Variants in EEF2K observed in about 807,000 individuals in gnomAD.
EEF2K encodes the protein alternative protein EEF2K.
In EEF2K, 70 loss-of-function variants were observed where a neutral mutation model predicts 93.8. That is an observed-to-expected ratio of 0.75 (90% CI 0.62 to 0.91). The LOEUF (loss-of-function observed/expected upper bound fraction) is 0.91, where lower values mean the gene tolerates loss of function less well. Among genes scored for constraint, EEF2K ranks in the 40% least tolerant of loss-of-function variants. The pLI, the probability that EEF2K is intolerant of heterozygous loss-of-function variation, is 0.00. For synonymous variants in EEF2K, 376 were observed against 380.8 expected (o/e 0.99, Z 0.15); for missense variants, 935 against 972.9 (o/e 0.96, Z 0.52).
chr16:22,236,339 CTTT>C (rs11353273), intron 2 of EEF2K, among the ~76,000 whole-genome samples: 11 of 137,112 alleles, frequency 8.0e-5, no homozygotes, highest in East Asian at 2.1e-4. Context: ...AGTTGTATTT[CTTT>C]TTTTTTTTTT....
chr16:22,250,822 G>A (rs2047342403), intron 5 of EEF2K, 131 bp downstream of exon 5: 2 of 1,189,592 alleles, frequency 1.7e-6, no homozygotes, highest in African/African-American at 1.5e-5. Context: ...CCAGGTTCCT[G>A]TCCATCTAGT....
chr16:22,258,400 G>C (rs1598193476), intron 9 of EEF2K, 94 bp from the exon 10 acceptor site: 1 of 1,298,626 alleles, frequency 7.7e-7, no homozygotes, highest in Admixed American at 2.1e-5. Context: ...AGCTGTGGAT[G>C]AAGGGGTTTC....
At chr16:22,282,474 C>T (rs963144374) in intron 17 of EEF2K, among the ~76,000 whole-genome samples, 2 of 152,200 alleles carry the variant, frequency 1.3e-5, no homozygotes, top group African/African-American at 4.8e-5. Context: ...ATGAACGTCC[C>T]CTCCAAGTCT....
At chr16:22,271,931 T>C (rs2047586209) in intron 15 of EEF2K, among the ~76,000 whole-genome samples, 1 of 152,212 alleles carries the variant, frequency 6.6e-6, no homozygotes, top group Non-Finnish European at 1.5e-5. Flanking sequence ...TTCATTTGCC[T>C]CTGATGTGAG....
intron 6 of EEF2K, among the ~76,000 whole-genome samples, chr16:22,253,432 C>T (rs909095034): frequency 3.3e-5 from 5 of 152,160 alleles, no homozygotes; most frequent in African/African-American, 1.2e-4. Context: ...CTGCAATTTG[C>T]GGCCTTCCAG....
intron 12 of EEF2K, among the ~76,000 whole-genome samples, chr16:22,264,052 G>A (rs2047492432): frequency 6.6e-6 from 1 of 152,116 alleles, no homozygotes; most frequent in African/African-American, 2.4e-5. Flanking sequence ...CCAGCACTTT[G>A]GGAGGCCGGG....
chr16:22,225,116 C>T (rs756280789), intron 1 of EEF2K, among the ~76,000 whole-genome samples: 1 of 151,908 alleles, frequency 6.6e-6, no homozygotes, highest in African/African-American at 2.4e-5. Context: ...GAGAAAGAAC[C>T]CACTGTTAGA....
intron 7 of EEF2K, among the ~76,000 whole-genome samples, 154 bp downstream of exon 7, chr16:22,257,051 A>G (rs1049464130): frequency 2.0e-5 from 3 of 152,160 alleles, no homozygotes; most frequent in African/African-American, 7.2e-5. Flanking sequence ...CCGTCACCCC[A>G]TGACAGCTTC....
Position 22,257,741 on chromosome 16 carries a change from G to A in EEF2K, c.1000G>A (p.Asp334Asn). Residue 334 changes from aspartate to asparagine, a missense_variant, in exon 9 of 18, where the codon GAT (aspartate) becomes AAT (asparagine). Transcript: ENST00000263026. Reference protein sequence around the residue: ...APFDLSPRERDAVNQNTKLLQ... With the variant: ...APFDLSPRERNAVNQNTKLLQ... ...CTTTGACCTCTCGCCCCGGGAGAGG[G>A]ATGCAGTGAATCAGAACACCAAGCT... 1 of 1,613,954 alleles carries A rather than the reference G, an allele frequency of 6.2e-7. No individual in the cohort carries two copies. Among genetic ancestry groups the A allele is most frequent in the Non-Finnish European group, 8.5e-7 (1 of 1,180,034 alleles).
At chr16:22,239,231 T>G (rs112547988) in intron 2 of EEF2K, among the ~76,000 whole-genome samples, 2 of 152,312 alleles carry the variant, frequency 1.3e-5, no homozygotes, top group African/African-American at 4.8e-5. Context: ...TCCTCCCTGT[T>G]TTGTGGTTGG....
chr16:22,262,671 C>T (rs906984189), intron 11 of EEF2K, among the ~76,000 whole-genome samples: 4 of 151,936 alleles, frequency 2.6e-5, no homozygotes, highest in Non-Finnish European at 5.9e-5. Flanking sequence ...TCCTGTGATC[C>T]ACACTCTCAG....
intron 12 of EEF2K, 42 bp downstream of exon 12, chr16:22,263,229 C>T: frequency 6.4e-7 from 1 of 1,562,584 alleles, no homozygotes; most frequent in Admixed American, 2.0e-5. Flanking sequence ...CACCTGTTGC[C>T]TTGTTTATCC....
intron 3 of EEF2K, among the ~76,000 whole-genome samples, chr16:22,245,243 G>A (rs568980663): frequency 6.6e-6 from 1 of 152,236 alleles, no homozygotes; most frequent in Admixed American, 6.5e-5. Context: ...ACTCCAACCT[G>A]GGCGTCAGAG....
rs1478462432 is a variant in EEF2K at position 22,286,203 on chromosome 16, A to T, written c.*2207A>T. On this transcript the variant is annotated 3_prime_UTR_variant, in exon 18 of 18. Transcript: ENST00000263026. ...AGTTGGAACTGATCACCCTTTTGTC[A>T]TCTGTACCAGATCAGTAGTTGGCTT... is the stretch of plus-strand genomic sequence containing the variant. The T allele has an allele frequency of 6.6e-6, 1 of 152,170 alleles. No individual in the cohort carries two copies. The highest frequency in any genetic ancestry group is 2.4e-5 in the African/African-American group (1 of 41,450). 9.4% of individuals were successfully genotyped at this position (152,170 alleles called of 1,614,324 possible).
At chr16:22,240,480 ACTG>A (rs370478610) in intron 2 of EEF2K, among the ~76,000 whole-genome samples, 198 of 152,296 alleles carry the variant, frequency 1.3e-3, no homozygotes, top group African/African-American at 4.5e-3. Context: ...AATATGTACT[ACTG>A]AGATCTTGCA....
At chr16:22,221,562 T>G (rs1398725783) in intron 1 of EEF2K, among the ~76,000 whole-genome samples, 1 of 152,100 alleles carries the variant, frequency 6.6e-6, no homozygotes, top group East Asian at 1.9e-4. Context: ...TATAAGCATG[T>G]AGTGGGTTAG....
intron 3 of EEF2K, among the ~76,000 whole-genome samples, chr16:22,247,626 T>C (rs1250507905): frequency 6.6e-6 from 1 of 152,162 alleles, no homozygotes; most frequent in Admixed American, 6.6e-5. Flanking sequence ...CTCAGTCTGT[T>C]ACCATTAGCT....
chr16:22,219,563 GGCT>G (rs1187642295), intron 1 of EEF2K, among the ~76,000 whole-genome samples: 1 of 152,180 alleles, frequency 6.6e-6, no homozygotes, highest in Non-Finnish European at 1.5e-5. Flanking sequence ...CAGAGATCAA[GGCT>G]GCAATGAGCT....
intron 12 of EEF2K, among the ~76,000 whole-genome samples, chr16:22,263,482 G>A (rs1025938882): frequency 1.3e-5 from 2 of 152,202 alleles, no homozygotes; most frequent in Non-Finnish European, 2.9e-5. Flanking sequence ...GGTGGTGCAT[G>A]CCTGTAATCC....
Sources: gnomAD v4.1 joint callset for allele counts (sites outside exome capture counted in the v4.1 genomes callset) on GRCh38, gnomAD v4.1.1 for gene constraint, MANE v1.5 for transcripts, NCBI Gene and HGNC (gene_info 2026-07-23, HGNC 2026-07-21) for gene names.